CDH12: variants seen among roughly 807,000 people sequenced by gnomAD.
The protein encoded by CDH12 is cadherin 12.
A neutral mutation model predicts 74.1 loss-of-function variants in CDH12; 41 were observed. The ratio of observed to expected loss-of-function variants is 0.55; its 90% CI spans 0.43 to 0.72. The LOEUF (loss-of-function observed/expected upper bound fraction) is 0.72. Among genes scored for constraint, CDH12 ranks in the 30% least tolerant of loss-of-function variants. CDH12 has a pLI of 0.00. For synonymous variants in CDH12, 399 were observed against 355.0 expected (o/e 1.12, Z -1.39); for missense variants, 945 against 977.2 (o/e 0.97, Z 0.44).
At chr5:22,411,100 A>G (rs1743152078) in intron 2 of CDH12, among the ~76,000 whole-genome samples, 1 of 152,044 alleles carries the variant, frequency 6.6e-6, no homozygotes, top group African/African-American at 2.4e-5. Flanking sequence ...TTGGTCAGGT[A>G]TATACAAAGA....
intron 1 of CDH12, among the ~76,000 whole-genome samples, chr5:22,583,575 T>C (rs1370098676): frequency 3.9e-5 from 6 of 152,182 alleles, no homozygotes; most frequent in Non-Finnish European, 7.3e-5. Flanking sequence ...GTTCTGTTTG[T>C]AACACATGTA....
At chr5:21,854,942 T>A (rs1197731551) in intron 6 of CDH12, 152 bp from the exon 7 acceptor site, 10 of 545,966 alleles carry the variant, frequency 1.8e-5, no homozygotes, top group Non-Finnish European at 2.8e-5. Flanking sequence ...TTAACCGTTA[T>A]AACCAAAATG....
Position 22,341,819 on chromosome 5 carries a change from C to T in CDH12, c.-333+63438G>A, listed in dbSNP as rs989203914. On this transcript the variant is annotated intron_variant, in intron 3 of 14. Transcript: ENST00000382254. ...GAACCAAAATCCAGGGTTCTTGATG[C>T]AATCTTGGTGCTTTCATTCCTAGAA... 2.0e-5 allele frequency among the ~76,000 whole-genome samples: 3 copies of T among 152,176 alleles called. No individual in the cohort carries two copies. In the East Asian group the frequency reaches 5.8e-4, roughly 29 times the overall value.
At chr5:22,277,740 A>G (rs2150404469) in intron 3 of CDH12, among the ~76,000 whole-genome samples, 1 of 152,270 alleles carries the variant, frequency 6.6e-6, no homozygotes, top group African/African-American at 2.4e-5. Flanking sequence ...AGGCTGAGGC[A>G]GGAGAATTGC....
At chr5:22,720,952 C>T (rs750421048) in intron 1 of CDH12, among the ~76,000 whole-genome samples, 2 of 152,206 alleles carry the variant, frequency 1.3e-5, no homozygotes, top group Non-Finnish European at 2.9e-5. Context: ...TTCAGCCTAA[C>T]CATGTGGTAG....
rs367584767 is a variant in CDH12 at position 22,337,723 on chromosome 5, C to T, written c.-333+67534G>A. 7.9e-5 allele frequency among the ~76,000 whole-genome samples: 12 copies of T among 152,250 alleles called. No homozygotes were observed. In the East Asian group the frequency reaches 1.4e-3, roughly 17 times the overall value. The stretch of plus-strand genomic sequence containing the variant: ...TTGCCCAGTCTTCATATGTCTTTAG[C>T]AGCAATGTGAGAATGGACTAATACA... On this transcript the variant is annotated intron_variant, in intron 3 of 14. Transcript: ENST00000382254.
At chr5:21,988,691 A>T (rs1757623177) in intron 5 of CDH12, among the ~76,000 whole-genome samples, 1 of 152,102 alleles carries the variant, frequency 6.6e-6, no homozygotes, top group African/African-American at 2.4e-5. Context: ...TAAGACATTG[A>T]GGCAAGCCAT....
At chr5:21,929,108 T>C (rs545388908) in intron 6 of CDH12, among the ~76,000 whole-genome samples, 45 of 151,956 alleles carry the variant, frequency 3.0e-4, no homozygotes, top group Middle Eastern at 3.4e-3. Flanking sequence ...CAAATATATA[T>C]TCAAAATTGG....
At chr5:22,518,415 A>G (rs1009710440) in intron 1 of CDH12, among the ~76,000 whole-genome samples, 15 of 152,190 alleles carry the variant, frequency 9.9e-5, no homozygotes, top group African/African-American at 3.6e-4. Context: ...AGTTTATATC[A>G]TCACTCATCC....
intron 1 of CDH12, among the ~76,000 whole-genome samples, chr5:22,721,720 A>T (rs748969769): frequency 1.4e-4 from 22 of 152,090 alleles, no homozygotes; most frequent in Non-Finnish European, 3.2e-4. Context: ...CCATGTGTTG[A>T]GGGAGGGACA....
intron 6 of CDH12, among the ~76,000 whole-genome samples, chr5:21,895,671 A>G (rs1242620918): frequency 6.6e-6 from 1 of 152,196 alleles, no homozygotes; most frequent in Non-Finnish European, 1.5e-5. Flanking sequence ...GTCAGAGCCC[A>G]GAGGAGCCAC....
intron 10 of CDH12, among the ~76,000 whole-genome samples, chr5:21,784,166 G>A (rs571680834): frequency 3.9e-5 from 6 of 152,118 alleles, no homozygotes; most frequent in Middle Eastern, 3.4e-3. Context: ...AATGGATGTT[G>A]CCCTACGTGA....
intron 4 of CDH12, among the ~76,000 whole-genome samples, chr5:22,098,646 C>T (rs561963710): frequency 3.6e-4 from 55 of 152,280 alleles, no homozygotes; most frequent in African/African-American, 1.1e-3. Flanking sequence ...ATTCACTCTT[C>T]GTTGAGTCGC....
chr5:22,060,450 C>G (rs887861685), intron 5 of CDH12, among the ~76,000 whole-genome samples: 1 of 151,932 alleles, frequency 6.6e-6, no homozygotes, highest in Non-Finnish European at 1.5e-5. Context: ...CAAACCTACA[C>G]GTTCAGCACA....
chr5:22,063,271 T>C (rs1434215797), intron 5 of CDH12, among the ~76,000 whole-genome samples: 1 of 152,168 alleles, frequency 6.6e-6, no homozygotes, highest in African/African-American at 2.4e-5. Flanking sequence ...CTTGACCTCA[T>C]ATATGTATTT....
rs1394118409 is a variant in CDH12, at chr5:22,846,334, T to C, written c.-523+6724A>G. On this transcript the variant is annotated intron_variant, in intron 1 of 14. Coordinates refer to ENST00000382254, the MANE Select transcript of CDH12 (RefSeq NM_004061.5). ...AGCAGAGGGATTAGAAGTAAAGGCATAGATTTGGAAAAAGCATCCAGATGG... is the reference window on the plus strand; with the variant it reads ...AGCAGAGGGATTAGAAGTAAAGGCACAGATTTGGAAAAAGCATCCAGATGG... Among the ~76,000 whole-genome samples, 2 of 152,086 alleles carry C rather than the reference T, an allele frequency of 1.3e-5. 1 individual carries two copies. Among genetic ancestry groups the C allele is most frequent in the African/African-American group, 4.8e-5 (2 of 41,432 alleles).
chr5:22,594,691 G>A (rs556811113), intron 1 of CDH12, among the ~76,000 whole-genome samples: 1 of 152,242 alleles, frequency 6.6e-6, no homozygotes, highest in African/African-American at 2.4e-5. Flanking sequence ...ACTTATGGAT[G>A]CCAATTTGGG....
At chr5:22,029,519 T>C (rs1427354643) in intron 5 of CDH12, among the ~76,000 whole-genome samples, 7 of 150,772 alleles carry the variant, frequency 4.6e-5, no homozygotes, top group Non-Finnish European at 7.5e-5. Flanking sequence ...AAAATGCTCA[T>C]CATCACTGGC....
intron 1 of CDH12, among the ~76,000 whole-genome samples, chr5:22,697,354 G>A (rs1167084608): frequency 1.3e-5 from 2 of 151,900 alleles, no homozygotes; most frequent in African/African-American, 4.8e-5. Context: ...GGTGGATCAC[G>A]AGGTCAGGAG....
Sources: gnomAD v4.1 joint callset for allele counts (sites outside exome capture counted in the v4.1 genomes callset) on GRCh38, gnomAD v4.1.1 for gene constraint, MANE v1.5 for transcripts, NCBI Gene and HGNC (gene_info 2026-07-23, HGNC 2026-07-21) for gene names.